The following TNC variants were observed in gnomAD, a reference collection of about 807,000 sequenced individuals.
The protein encoded by TNC is tenascin.
A neutral mutation model predicts 202.4 loss-of-function variants in TNC; 109 were observed. The ratio of observed to expected loss-of-function variants is 0.54; its 90% CI spans 0.46 to 0.63. TNC has a LOEUF of 0.63. Among genes scored for constraint, TNC ranks in the 30% least tolerant of loss-of-function variants. TNC has a pLI of 0.00. For missense variants in TNC, 2,756 were observed against 2,833.3 expected (o/e 0.97, Z 0.62); for synonymous variants, 1,007 against 1,089.7 (o/e 0.92, Z 1.50).
At chr9:115,077,260 G>A (rs901148290) in intron 7 of TNC, among the ~76,000 whole-genome samples, 1 of 152,166 alleles carries the variant, frequency 6.6e-6, no homozygotes, top group Non-Finnish European at 1.5e-5. Flanking sequence ...GTTTCACTGT[G>A]TTAGCCAGAA....
chr9:115,087,244 C>A lies in TNC; in HGVS notation c.487G>T (p.Gly163Cys), dbSNP rs368041702. Residue 163 changes from glycine to cysteine, a missense_variant, in exon 3 of 28, where the codon GGT becomes TGT. This residue lies in a region of TNC where 2,559 missense variants were observed against 2,546.0 expected (regional missense o/e 1.01). Transcript: ENST00000350763. The stretch of plus-strand genomic sequence containing the variant: ...CCTTCAGTGCTGAAGTTGCCCCGAC[C>A]GCTACAGAAGGGCCTGGTGTCCAAG... ...GRLDTRPFCSGRGNFSTEGCG... is the reference protein window; with the variant it reads ...GRLDTRPFCSCRGNFSTEGCG... 66 of 1,613,978 alleles carry A rather than the reference C, an allele frequency of 4.1e-5. No homozygotes were observed. Among genetic ancestry groups the A allele is most frequent in the Non-Finnish European group, 4.7e-5 (56 of 1,180,002 alleles).
Position 115,046,633 on chromosome 9 carries a change from G to T in TNC, c.4902C>A (p.Asp1634Glu), listed in dbSNP as rs761059514. Residue 1634 changes from aspartate (D) to glutamate (E), a missense_variant, in exon 17 of 28, where the codon GAC becomes GAA. By Grantham distance (45) the Asp-to-Glu change is conservative. Coordinates refer to ENST00000350763, the MANE Select transcript of TNC (RefSeq NM_002160.4). Reference protein sequence around the residue: ...DNLLVSDATPDGFRLSWTADE... With the variant: ...DNLLVSDATPEGFRLSWTADE... ...CAGCTGTCCAGGACAGACGGAAACCGTCTGGGGTGGCATCTGAAACCAGAA... is the reference window on the plus strand; with the variant it reads ...CAGCTGTCCAGGACAGACGGAAACCTTCTGGGGTGGCATCTGAAACCAGAA... 1.2e-6 allele frequency: 2 copies of T among 1,613,732 alleles called. No homozygotes were observed. Among genetic ancestry groups the T allele is most frequent in the East Asian group, 2.2e-5 (1 of 44,876 alleles).
At chr9:115,102,628 A>T (rs1036233150) in intron 1 of TNC, among the ~76,000 whole-genome samples, 5 of 152,336 alleles carry the variant, frequency 3.3e-5, no homozygotes, top group Admixed American at 1.3e-4. Flanking sequence ...TTTATCATTT[A>T]AAAAAAGATT....
In TNC at chr9:115,085,967, G is replaced by A. The variant is rs1167325824; in HGVS notation, c.1764C>T (p.Asp588=). Residue 588 remains aspartate, a synonymous_variant, in exon 3 of 28, where the codon GAC becomes GAT. Coordinates refer to ENST00000350763, the MANE Select transcript of TNC (RefSeq NM_002160.4). ...CICHEGFTGL[D]CGQHSCPSDC... ...CACTGGGGCAGGAGTGCTGGCCACAGTCCAGGCCTGTGAAGCCCTCGTGGC... is the reference window on the plus strand; with the variant it reads ...CACTGGGGCAGGAGTGCTGGCCACAATCCAGGCCTGTGAAGCCCTCGTGGC... 1 of 1,613,888 alleles carries A rather than the reference G, an allele frequency of 6.2e-7. No individual in the cohort carries two copies. The highest frequency in any genetic ancestry group is 1.3e-5 in the African/African-American group (1 of 74,938).
At position 115,059,900 on chromosome 9, in the gene TNC, A is replaced by C. The variant is rs777350172; in HGVS notation, c.4136T>G (p.Ile1379Ser). Reference protein sequence around the residue: ...AADNAYEHFVIQVQEVNKVEA... With the variant: ...AADNAYEHFVSQVQEVNKVEA... Reference sequence around the variant, plus strand: ...CACTTTGTTGACCTCCTGCACCTGAATGACAAAGTGCTCATAGGCATTGTC... The same window carrying C: ...CACTTTGTTGACCTCCTGCACCTGACTGACAAAGTGCTCATAGGCATTGTC... The change falls in exon 14 of 28, where the codon ATT becomes AGT. Residue 1379 changes from isoleucine (I) to serine (S), a missense_variant. This residue lies in a region of TNC where 2,559 missense variants were observed against 2,546.0 expected (regional missense o/e 1.01). Coordinates refer to ENST00000350763, the MANE Select transcript of TNC (RefSeq NM_002160.4). 6.2e-7 allele frequency: 1 copy of C among 1,614,154 alleles called. No homozygotes were observed. Among genetic ancestry groups the C allele is most frequent in the Non-Finnish European group, 8.5e-7 (1 of 1,180,022 alleles).
Position 115,086,956 on chromosome 9 carries a change from C to T in TNC, c.775G>A (p.Glu259Lys), listed in dbSNP as rs1271530861. 5 of 1,614,190 alleles carry T rather than the reference C, an allele frequency of 3.1e-6. No individual in the cohort carries two copies. The highest frequency in any genetic ancestry group is 1.7e-5 in the Admixed American group (1 of 60,034). The change falls in exon 3 of 28, where the codon GAG (glutamate) becomes AAG (lysine). Residue 259 changes from glutamate (E) to lysine (K), a missense_variant. Around this residue, in one of 2 missense-constraint regions of TNC, gnomAD observed 2,559 missense variants for 2,546.0 expected, o/e 1.01. Transcript: ENST00000350763. ...AAGCCATCTACACATGTGCCGTGCT[C>T]CTCACTGCAGGGCACTGGGCAGATT... ...REICPVPCSE[E>K]HGTCVDGLCV...
chr9:115,087,414 A>G (rs1834854875), intron 2 of TNC, 141 bp from the exon 3 acceptor site: 2 of 789,204 alleles, frequency 2.5e-6, no homozygotes, highest in Non-Finnish European at 4.0e-6. Flanking sequence ...CATTTGTTGT[A>G]GTGTGTGAAA....
chr9:115,039,781 G>C (rs1830595059), intron 19 of TNC, among the ~76,000 whole-genome samples: 1 of 152,220 alleles, frequency 6.6e-6, no homozygotes, highest in Non-Finnish European at 1.5e-5. Context: ...TCCTTTAACT[G>C]GTGATGACAA....
chr9:115,026,457 A>C, intron 26 of TNC, 77 bp downstream of exon 26: 1 of 1,474,380 alleles, frequency 6.8e-7, no homozygotes, highest in Non-Finnish European at 9.3e-7. Flanking sequence ...GGAAGGAATG[A>C]AAGTTAGAGA....
chr9:115,030,183 T>C (rs1439646351), intron 24 of TNC, 71 bp downstream of exon 24: 1 of 1,472,576 alleles, frequency 6.8e-7, no homozygotes, highest in Non-Finnish European at 9.2e-7. Flanking sequence ...ATCACCCTCT[T>C]CTCCTCCCCT....
chr9:115,103,105 A>C (rs1836358496), intron 1 of TNC, among the ~76,000 whole-genome samples: 1 of 152,186 alleles, frequency 6.6e-6, no homozygotes, highest in East Asian at 1.9e-4. Flanking sequence ...CAGACACCAC[A>C]CTAAGTGCAG....
chr9:115,021,752 T>A lies in TNC; in HGVS notation c.6496-485A>T, dbSNP rs534540165. 6.0e-4 allele frequency among the ~76,000 whole-genome samples: 92 copies of A among 152,322 alleles called. 1 individual carries two copies. In the South Asian group the frequency reaches 9.9e-3, roughly 16 times the overall value. The stretch of plus-strand genomic sequence containing the variant: ...GCTCAACAAAACACAGTTTTACAAT[T>A]TGACATATAGGGTTAAATATCAGTG... On this transcript the variant is annotated intron_variant, in intron 27 of 27. Transcript: ENST00000350763.
chr9:115,073,477 G>T (rs1038881857), intron 10 of TNC, 126 bp downstream of exon 10: 1 of 1,143,872 alleles, frequency 8.7e-7, no homozygotes, highest in Non-Finnish European at 1.2e-6. Flanking sequence ...GTGTTCAGGG[G>T]CTTCAGAGAT....
At chr9:115,117,461 T>C (rs1227694937) in intron 1 of TNC, among the ~76,000 whole-genome samples, 1 of 152,158 alleles carries the variant, frequency 6.6e-6, no homozygotes, top group Non-Finnish European at 1.5e-5. Flanking sequence ...ATTTCCAGGG[T>C]GAATATTTTG....
intron 1 of TNC, among the ~76,000 whole-genome samples, chr9:115,091,780 G>A (rs991014687): frequency 1.9e-4 from 29 of 152,158 alleles, no homozygotes; most frequent in African/African-American, 6.8e-4. Context: ...CTTCTTACTA[G>A]TTATATGACT....
intron 1 of TNC, among the ~76,000 whole-genome samples, chr9:115,099,636 A>G (rs1429438573): frequency 6.6e-6 from 1 of 152,210 alleles, no homozygotes; most frequent in Non-Finnish European, 1.5e-5. Context: ...ACTGCACAAT[A>G]AAGTTCTTTC....
intron 1 of TNC, among the ~76,000 whole-genome samples, chr9:115,102,804 T>TGG (rs1340394321): frequency 2.0e-5 from 3 of 152,360 alleles, no homozygotes; most frequent in African/African-American, 7.2e-5. Flanking sequence ...CATTCATCTC[T>TGG]GAATGCACAA....
chr9:115,037,538 A>AT (rs1158075020), intron 20 of TNC, among the ~76,000 whole-genome samples: 6 of 151,806 alleles, frequency 4.0e-5, no homozygotes, highest in Non-Finnish European at 7.4e-5. Context: ...TTTTATTTTT[A>AT]TTTTTTTGAG....
intron 3 of TNC, 146 bp from the exon 4 acceptor site, chr9:115,084,618 C>T (rs1834570381): frequency 2.0e-6 from 2 of 982,772 alleles, no homozygotes; most frequent in Admixed American, 2.7e-5. Context: ...ATCAGGGACC[C>T]CCTGCTGTGA....
Sources: gnomAD v4.1 joint callset for allele counts (sites outside exome capture counted in the v4.1 genomes callset) on GRCh38, gnomAD v4.1.1 for gene constraint, gnomAD v4.1.1 regional missense constraint, MANE v1.5 for transcripts, NCBI Gene and HGNC (gene_info 2026-07-23, HGNC 2026-07-21) for gene names.